Variants in GBE1 observed in about 807,000 individuals in gnomAD.
The protein encoded by GBE1 is 1,4-alpha-glucan branching enzyme 1, also known as 1,4-alpha-glucan-branching enzyme.
Under a neutral mutation model 88.8 loss-of-function variants are expected in GBE1, and 70 were observed. That is an observed-to-expected ratio of 0.79 (90% CI 0.65 to 0.96). GBE1 has a LOEUF of 0.96. Ranked by LOEUF, GBE1 falls within the 40% of genes least tolerant of loss-of-function variation. The pLI is 0.00. For synonymous variants in GBE1, 284 were observed against 300.1 expected (o/e 0.95, Z 0.56); for missense variants, 872 against 871.0 (o/e 1.00, Z -0.01).
At chr3:81,750,565 A>ATATATATATATGTATATATATATG (rs1706489538) in intron 1 of GBE1, among the ~76,000 whole-genome samples, 1 of 63,678 alleles carries the variant, frequency 1.6e-5, no homozygotes, top group African/African-American at 9.6e-5. Context: ...ATATATATGT[A>ATATATATATATGTATATATATATG]TATATATATA....
intron 1 of GBE1, among the ~76,000 whole-genome samples, chr3:81,727,139 T>C (rs1158656326): frequency 6.6e-6 from 1 of 152,210 alleles, no homozygotes; most frequent in African/African-American, 2.4e-5. Context: ...TTGATATTCC[T>C]TCATAAAAAT....
rs571539175 is a variant in GBE1 at position 81,617,056 on chromosome 3, A to G, written c.993-23033T>C. Among the ~76,000 whole-genome samples the G allele has an allele frequency of 5.0e-4, 76 of 151,570 alleles. No homozygotes were observed. The Middle Eastern group carries it at 0.01, about 20-fold the overall frequency. On this transcript the variant is annotated intron_variant, in intron 7 of 15. Coordinates refer to ENST00000429644, the MANE Select transcript of GBE1 (RefSeq NM_000158.4). The stretch of plus-strand genomic sequence containing the variant: ...AACCACCTGTTCATTACTAGTATAT[A>G]GAAATACAACTGCAACCTTGCTCAT...
intron 12 of GBE1, among the ~76,000 whole-genome samples, chr3:81,573,941 T>G (rs1367983581): frequency 1.3e-5 from 2 of 152,128 alleles, no homozygotes; most frequent in Non-Finnish European, 2.9e-5. Flanking sequence ...GATATTGGCT[T>G]ATCCCAAAAA....
chr3:81,529,343 C>T (rs960458766), intron 14 of GBE1, among the ~76,000 whole-genome samples: 6 of 151,882 alleles, frequency 4.0e-5, no homozygotes, highest in East Asian at 1.9e-4. Context: ...GTAGTTAGTT[C>T]GTGCAACACA....
intron 1 of GBE1, among the ~76,000 whole-genome samples, chr3:81,710,510 G>A (rs114313562): frequency 0.029 from 4,349 of 151,778 alleles, 225 homozygotes; most frequent in African/African-American, 0.096. Flanking sequence ...TTTATTTCTA[G>A]AAATAGTCCA....
chr3:81,655,572 A>T (rs1409506401), intron 3 of GBE1, among the ~76,000 whole-genome samples: 1 of 152,076 alleles, frequency 6.6e-6, no homozygotes, highest in African/African-American at 2.4e-5. Flanking sequence ...GCTAGAATGC[A>T]ATGGTGCCAC....
intron 12 of GBE1, among the ~76,000 whole-genome samples, chr3:81,555,258 T>C (rs1389693213): frequency 6.6e-6 from 1 of 152,174 alleles, no homozygotes; most frequent in East Asian, 1.9e-4. Flanking sequence ...CATATATAGG[T>C]TGAACATACA....
At chr3:81,502,119 A>G (rs1341945339) in intron 14 of GBE1, among the ~76,000 whole-genome samples, 1 of 152,014 alleles carries the variant, frequency 6.6e-6, no homozygotes, top group Non-Finnish European at 1.5e-5. Context: ...TCATGTGTCC[A>G]TCATTTTACA....
intron 10 of GBE1, among the ~76,000 whole-genome samples, chr3:81,583,141 C>T (rs1156706189): frequency 1.3e-5 from 2 of 152,040 alleles, no homozygotes; most frequent in African/African-American, 4.8e-5. Context: ...CATCATAAAC[C>T]ATTTGAAAAA....
intron 14 of GBE1, among the ~76,000 whole-genome samples, chr3:81,528,422 G>A (rs183384312): frequency 1.5e-4 from 23 of 152,074 alleles, no homozygotes; most frequent in African/African-American, 5.5e-4. Context: ...ACAAAAGAAT[G>A]TTCCATGAGC....
At chr3:81,535,388 T>C in intron 13 of GBE1, 63 bp from the exon 14 acceptor site, 3 of 1,480,168 alleles carry the variant, frequency 2.0e-6, no homozygotes, top group Non-Finnish European at 2.7e-6. Context: ...AAGTACATTA[T>C]TTTTTGTCTT....
intron 1 of GBE1, among the ~76,000 whole-genome samples, chr3:81,738,086 C>G (rs1706294982): frequency 6.6e-6 from 1 of 151,714 alleles, no homozygotes; most frequent in Non-Finnish European, 1.5e-5. Context: ...ATGAACTCAT[C>G]ATTTTTTATG....
At chr3:81,540,466 A>G (rs1189874857) in intron 12 of GBE1, among the ~76,000 whole-genome samples, 1 of 152,026 alleles carries the variant, frequency 6.6e-6, no homozygotes, top group Non-Finnish European at 1.5e-5. Flanking sequence ...AATATAGGCA[A>G]TTTAATCTCT....
chr3:81,716,880 T>C (rs1486113828), intron 1 of GBE1, among the ~76,000 whole-genome samples: 1 of 152,150 alleles, frequency 6.6e-6, no homozygotes, highest in Non-Finnish European at 1.5e-5. Context: ...TCTGGCAAAG[T>C]GAAAACCTGA....
chr3:81,594,208 T>C (rs972842402), intron 7 of GBE1, among the ~76,000 whole-genome samples, 185 bp from the exon 8 acceptor site: 2 of 152,122 alleles, frequency 1.3e-5, no homozygotes, highest in Non-Finnish European at 2.9e-5. Context: ...AAACTCATTC[T>C]AAAAGGAAAA....
chr3:81,665,881 A>C (rs1313129491), intron 3 of GBE1, among the ~76,000 whole-genome samples: 1 of 152,204 alleles, frequency 6.6e-6, no homozygotes, highest in Admixed American at 6.5e-5. Flanking sequence ...CCCTGATTTT[A>C]ATACCTCAAG....
intron 2 of GBE1, among the ~76,000 whole-genome samples, chr3:81,695,546 G>A (rs1383627501): frequency 1.1e-4 from 16 of 152,204 alleles, no homozygotes; most frequent in African/African-American, 2.4e-4. Flanking sequence ...TTGGGGTGAC[G>A]GAAGTGTTCT....
intron 3 of GBE1, among the ~76,000 whole-genome samples, chr3:81,670,206 C>T (rs373235501): frequency 1.1e-4 from 17 of 152,112 alleles, no homozygotes; most frequent in African/African-American, 3.9e-4. Context: ...CAAGAGCAGC[C>T]GACTCTAACT....
chr3:81,584,182 T>C (rs1443889261), intron 10 of GBE1, among the ~76,000 whole-genome samples: 6 of 152,060 alleles, frequency 3.9e-5, no homozygotes, highest in East Asian at 1.9e-4. Context: ...TGTTCAGTAA[T>C]TGATTAAACT....
Sources: allele counts gnomAD v4.1 joint callset (sites outside exome capture counted in the v4.1 genomes callset), GRCh38; gene constraint gnomAD v4.1.1; transcripts MANE v1.5; gene names NCBI Gene and HGNC (gene_info 2026-07-23, HGNC 2026-07-21).